Variants in NBPF26 observed in about 807,000 individuals in gnomAD.
NBPF26 encodes the protein NBPF member 26, also known as NBPF family member NBPF26.
In NBPF26, 79 loss-of-function variants were observed where a neutral mutation model predicts 119.6. The observed-to-expected ratio is 0.66, with a 90% CI of 0.55 to 0.80. The LOEUF is 0.80. NBPF26 is among the 30% of genes least tolerant of loss of function. NBPF26 has a pLI of 0.00. For synonymous variants in NBPF26, 299 were observed against 457.7 expected, an observed-to-expected ratio of 0.65 and a Z score of 4.43; for missense variants, 800 against 1,198.2, an observed-to-expected ratio of 0.67 and a Z score of 4.91.
intron 16 of NBPF26, among the ~76,000 whole-genome samples, chr1:120,822,608 T>C (rs1363444429): frequency 1.7e-4 from 19 of 110,832 alleles, no homozygotes; most frequent in African/African-American, 8.7e-4. Context: ...ATTAAATGTC[T>C]CTTGCCAGCT....
Position 120,793,773 on chromosome 1 carries a change from G to A in NBPF26, c.751+277G>A, listed in dbSNP as rs1252055643. On this transcript the variant is annotated intron_variant, in intron 4 of 29. Transcript: ENST00000620612. ...AACAGTGAGAAATAAGAGGAACAGA[G>A]CTCTGGGAAAGAGACAGGCAAGTCT... 4.4e-5 allele frequency: 44 copies of A among 1,008,274 alleles called. 13 individuals carry two copies. The South Asian group carries it at 5.7e-4, about 13-fold the overall frequency. The allele number at this position is 1,008,274 out of a possible 1,614,324, so 62.5% of individuals were successfully genotyped here. A position where few individuals can be genotyped will look rare whatever the true frequency, so the allele number is the denominator to read the frequency against.
chr1:120,755,943 T>TGG (rs1557981796), intron 1 of NBPF26, among the ~76,000 whole-genome samples: 4 of 97,192 alleles, frequency 4.1e-5, no homozygotes, highest in African/African-American at 1.4e-4. Flanking sequence ...CTTTTTTTTT[T>TGG]TTTTTTTTTT....
Position 120,777,799 on chromosome 1 carries a change from G to T in NBPF26, c.156-7175G>T, listed in dbSNP as rs1430160717. Among the ~76,000 whole-genome samples the T allele has an allele frequency of 2.8e-5, 3 of 107,510 alleles. 1 individual carries two copies. Among genetic ancestry groups the T allele is most frequent in the Non-Finnish European group, 5.2e-5 (3 of 57,780 alleles). The allele number at this position is 107,510 out of a possible 152,430, so 70.5% of individuals were successfully genotyped here. A position where few individuals can be genotyped will look rare whatever the true frequency, so the allele number is the denominator to read the frequency against. On this transcript the variant is annotated intron_variant, in intron 2 of 29. Coordinates refer to ENST00000620612, the Ensembl canonical transcript of NBPF26. ...CATGCATGTTTTTAAAACAAAGTTG[G>T]TAATTAGCATAACCTAGTTAGTTAC...
intron 10 of NBPF26, among the ~76,000 whole-genome samples, chr1:120,812,663 T>C (rs1651896057): frequency 1.6e-5 from 1 of 63,862 alleles, no homozygotes; most frequent in Non-Finnish European, 2.7e-5. Context: ...GGTGGCTCAC[T>C]CCTGTAATCC....
chr1:120,838,811 T>C, exon 28 of NBPF26: 1 of 53,008 alleles, frequency 1.9e-5, no homozygotes, highest in Admixed American at 3.7e-4. Flanking sequence ...ATAGATGTTA[T>C]TCAACTCCTT....
Position 120,745,196 on chromosome 1 carries a change from G to A in NBPF26, c.74-18432G>A, listed in dbSNP as rs1246097692. ...TAATTGCAAAGCCACATTCTTTACT[G>A]CACGCTTTAGTCCATGGTTTTTTAA... On this transcript the variant is annotated intron_variant, in intron 1 of 29. Transcript: ENST00000620612. 3.6e-5 allele frequency among the ~76,000 whole-genome samples: 4 copies of A among 109,734 alleles called. 2 individuals are homozygous for A. Among genetic ancestry groups the A allele is most frequent in the Admixed American group, 1.8e-4 (2 of 11,374 alleles). The allele number at this position is 109,734 out of a possible 152,430, so 72.0% of individuals were successfully genotyped here.
chr1:120,811,273 G>A lies in NBPF26; in HGVS notation c.1565-613G>A, dbSNP rs1211980171. Among the ~76,000 whole-genome samples, 2 of 105,384 alleles carry A rather than the reference G, an allele frequency of 1.9e-5. 1 individual carries two copies. The highest frequency in any genetic ancestry group is 1.2e-4 in the African/African-American group (2 of 17,248). 69.1% of individuals were successfully genotyped at this position (105,384 alleles called of 152,430 possible). A position where few individuals can be genotyped will look rare whatever the true frequency, so the allele number is the denominator to read the frequency against. ...AAAAAAAAAAAGTCTCTGACCAGGG[G>A]CGCTGGCTCACATCTTAATCCCAAC... On this transcript the variant is annotated intron_variant, in intron 9 of 29. Coordinates refer to ENST00000620612, the Ensembl canonical transcript of NBPF26.
In NBPF26 at chr1:120,840,378, G is replaced by A. The variant is rs1553273432; in HGVS notation, c.4132G>A (p.Glu1378Lys). 3.3e-3 allele frequency: 4,891 copies of A among 1,460,940 alleles called. 1,074 individuals carry two copies. Among genetic ancestry groups the A allele is most frequent in the Non-Finnish European group, 4.0e-3 (4,325 of 1,085,404 alleles). 90.5% of individuals were successfully genotyped at this position (1,460,940 alleles called of 1,614,324 possible). Residue 1378 changes from glutamate to lysine, a missense_variant, in exon 30 of 30, where the codon GAG becomes AAG. Coordinates refer to ENST00000620612, the Ensembl canonical transcript of NBPF26. ...CAACAGCATGCTGATGGAAGTGGAA[G>A]AGCCTGAAGTCTTGCAGGACTCACT...
Position 120,795,967 on chromosome 1 carries a change from T to C in NBPF26, c.751+2471T>C, listed in dbSNP as rs1454505785. On this transcript the variant is annotated intron_variant, in intron 4 of 29. Coordinates refer to ENST00000620612, the Ensembl canonical transcript of NBPF26. ...GTGTGTGTATATGCCGTTGTGCAGA[T>C]GTTTAAAAGTAGTTACATAGACTAG... is the stretch of plus-strand genomic sequence containing the variant. Among the ~76,000 whole-genome samples, 34 of 36,934 alleles carry C rather than the reference T, an allele frequency of 9.2e-4. 15 individuals are homozygous for C. In the Admixed American group the frequency reaches 0.011, roughly 12 times the overall value. 24.2% of individuals were successfully genotyped at this position (36,934 alleles called of 152,430 possible).
chr1:120,770,307 C>T (rs1421794013), intron 2 of NBPF26, among the ~76,000 whole-genome samples: 5 of 107,876 alleles, frequency 4.6e-5, no homozygotes, highest in Non-Finnish European at 6.9e-5. Context: ...GTAGCCGGGA[C>T]TATAAGCGCC....
At chr1:120,823,160 C>T in intron 16 of NBPF26, 149 bp from the exon 17 acceptor site, 1 of 560,796 alleles carries the variant, frequency 1.8e-6, no homozygotes, top group Non-Finnish European at 3.1e-6. Context: ...CAAGACTTGA[C>T]CTCAGGCCTA....
rs1381651963 is a variant in NBPF26 at position 120,821,818 on chromosome 1, C to T, written c.2424-286C>T. Among the ~76,000 whole-genome samples the T allele has an allele frequency of 3.7e-5, 4 of 108,418 alleles. No homozygotes were observed. In the East Asian group the frequency reaches 8.4e-4, roughly 23 times the overall value. The allele number at this position is 108,418 out of a possible 152,430, so 71.1% of individuals were successfully genotyped here. The stretch of plus-strand genomic sequence containing the variant: ...GTAGTTGAAGCCCTGTGTCAGTTCT[C>T]TGTGCTGCAAGTCATGATGGTAGTT... On this transcript the variant is annotated intron_variant, in intron 15 of 29. Transcript: ENST00000620612.
rs1431820079 is a variant in NBPF26, at chr1:120,752,564, TTTTTTTTTTTC to T, written c.74-11053_74-11043del. On this transcript the variant is annotated intron_variant, in intron 1 of 29. Coordinates refer to ENST00000620612, the Ensembl canonical transcript of NBPF26. ...TATATATATATATATATTTTTTTTT[TTTTTTTTTTTC>T]TTTTTTTTTTTTTCAGGCAGAGTCT... 3.3e-3 allele frequency among the ~76,000 whole-genome samples: 83 copies of T among 25,318 alleles called. 7 individuals are homozygous for T. The highest frequency in any genetic ancestry group is 4.5e-3 in the Non-Finnish European group (72 of 15,994). The allele number at this position is 25,318 out of a possible 152,430, so 16.6% of individuals were successfully genotyped here. A position where few individuals can be genotyped will look rare whatever the true frequency, so the allele number is the denominator to read the frequency against.
At chr1:120,724,681 C>G (rs1419288284) in intron 1 of NBPF26, among the ~76,000 whole-genome samples, 1 of 124,458 alleles carries the variant, frequency 8.0e-6, no homozygotes, top group Non-Finnish European at 1.6e-5. Flanking sequence ...GGCAGGGCCG[C>G]CAAGCCAAAC....
In NBPF26 at chr1:120,806,114, G is replaced by T. The variant is rs1229354548; in HGVS notation, c.961+349G>T. On this transcript the variant is annotated intron_variant, in intron 5 of 29. Transcript: ENST00000620612. ...GCAGACAAATAACATCTAGTCTGTT[G>T]TTCTAAATGTCTAGGACTAGTGAAC... 7.4e-5 allele frequency among the ~76,000 whole-genome samples: 8 copies of T among 108,128 alleles called. 2 individuals are homozygous for T. Among genetic ancestry groups the T allele is most frequent in the South Asian group, 5.6e-4 (2 of 3,554 alleles). 70.9% of individuals were successfully genotyped at this position (108,128 alleles called of 152,430 possible).
At position 120,822,094 on chromosome 1, in the gene NBPF26, G is replaced by T; in HGVS notation, c.2424-10G>T. ...ATCTTCTGTCATCCCTGTCCTGCCT[G>T]GCTCATCAGGAATCTGCAGGAGTCT... is the stretch of plus-strand genomic sequence containing the variant. On this transcript the variant is annotated splice_polypyrimidine_tract_variant and intron_variant, in intron 15 of 29. Coordinates refer to ENST00000620612, the Ensembl canonical transcript of NBPF26. 6.9e-7 allele frequency: 1 copy of T among 1,446,402 alleles called. No homozygotes were observed. Among genetic ancestry groups the T allele is most frequent in the Non-Finnish European group, 9.2e-7 (1 of 1,081,622 alleles). 89.6% of individuals were successfully genotyped at this position (1,446,402 alleles called of 1,614,324 possible).
intron 17 of NBPF26, among the ~76,000 whole-genome samples, chr1:120,823,664 T>A (rs1450053556): frequency 1.6e-5 from 2 of 124,124 alleles, no homozygotes; most frequent in African/African-American, 7.7e-5. Context: ...TCATGATCAC[T>A]GTTCACTGTG....
exon 1 of NBPF26, chr1:120,724,161 A>T: frequency 7.2e-7 from 1 of 1,380,380 alleles, no homozygotes; most frequent in Non-Finnish European, 9.4e-7. Context: ...GAGGAGGAGG[A>T]GGAGGCGACC....
chr1:120,770,468 C>T (rs1305133257), intron 2 of NBPF26, among the ~76,000 whole-genome samples: 3,352 of 110,970 alleles, frequency 0.03, 494 homozygotes, highest in African/African-American at 0.066. Context: ...CACACCCAGC[C>T]GAGGACATAG....
Sources: gnomAD v4.1 joint callset for allele counts (sites outside exome capture counted in the v4.1 genomes callset) on GRCh38, gnomAD v4.1.1 for gene constraint, MANE v1.5 for transcripts, NCBI Gene and HGNC (gene_info 2026-07-23, HGNC 2026-07-21) for gene names.